The following NBEAL1 variants were observed in gnomAD, a reference collection of about 807,000 sequenced individuals.
The protein encoded by NBEAL1 is neurobeachin-like protein 1.
A neutral mutation model predicts 351.3 loss-of-function variants in NBEAL1; 273 were observed. The ratio of observed to expected loss-of-function variants is 0.78; its 90% CI spans 0.70 to 0.86. NBEAL1 has a LOEUF of 0.86. NBEAL1 is among the 40% of genes least tolerant of loss of function. The probability of loss-of-function intolerance (pLI) is 0.00; values close to 1 mark genes in which losing one functional copy is unlikely to be tolerated. For synonymous variants in NBEAL1, 1,050 were observed against 1,086.4 expected (o/e 0.97, Z 0.66); for missense variants, 2,961 against 3,201.3 (o/e 0.92, Z 1.81).
chr2:203,204,558 G>T (rs561933807), intron 51 of NBEAL1, among the ~76,000 whole-genome samples: 1 of 151,630 alleles, frequency 6.6e-6, no homozygotes, highest in African/African-American at 2.4e-5. Flanking sequence ...GGCTGGTCTC[G>T]AACTCCTAGG....
rs1028611689 is a variant in NBEAL1, at chr2:203,068,533, T to G, written c.598+58T>G. The stretch of plus-strand genomic sequence containing the variant: ...TTATCATCTTACTCTGATTACTTTT[T>G]ATTCTTACTCTGATTCTGATCTTGA... On this transcript the variant is annotated intron_variant, in intron 7 of 55. Transcript: ENST00000683969. The G allele has an allele frequency of 5.2e-6, 5 of 962,092 alleles. No individual in the cohort carries two copies. In the African/African-American group the frequency reaches 8.2e-5, roughly 16 times the overall value. 59.6% of individuals were successfully genotyped at this position (962,092 alleles called of 1,614,324 possible). A position where few individuals can be genotyped will look rare whatever the true frequency, so the allele number is the denominator to read the frequency against.
intron 48 of NBEAL1, 37 bp downstream of exon 48, chr2:203,197,428 T>A: frequency 8.0e-7 from 1 of 1,250,682 alleles, no homozygotes; most frequent in Non-Finnish European, 1.2e-6. Context: ...CTGCTATGCC[T>A]ATATTCATTA....
rs1020271230 is a variant in NBEAL1 at position 203,162,657 on chromosome 2, A to G, written c.5715-3492A>G. ...TACTTGGGAGGCTGAAGTGGGAGGA[A>G]TGTTTGAGCCTGGAAGGTGGAGGTT... On this transcript the variant is annotated intron_variant, in intron 36 of 55. Transcript: ENST00000683969. Among the ~76,000 whole-genome samples the G allele has an allele frequency of 2.0e-5, 3 of 152,068 alleles. No homozygotes were observed. In the East Asian group the frequency reaches 5.8e-4, roughly 29 times the overall value.
chr2:203,051,398 G>A (rs1012980012), intron 4 of NBEAL1, among the ~76,000 whole-genome samples: 7 of 151,960 alleles, frequency 4.6e-5, no homozygotes, highest in African/African-American at 1.7e-4. Context: ...GTAAAAATTA[G>A]CCAGGCATGG....
intron 38 of NBEAL1, among the ~76,000 whole-genome samples, chr2:203,168,367 C>A (rs1198133763): frequency 6.6e-6 from 1 of 152,164 alleles, no homozygotes; most frequent in Admixed American, 6.5e-5. Flanking sequence ...GGGTGGATCA[C>A]CTGAAGTCAG....
At position 203,041,770 on chromosome 2, in the gene NBEAL1, T is replaced by A. The variant is rs1365576985; in HGVS notation, c.57T>A (p.Asp19Glu). 6.4e-7 allele frequency: 1 copy of A among 1,551,352 alleles called. No individual in the cohort carries two copies. The highest frequency in any genetic ancestry group is 8.7e-7 in the Non-Finnish European group (1 of 1,146,042). Residue 19 changes from aspartate (D) to glutamate (E), a missense_variant, in exon 3 of 56, where the codon GAT becomes GAA. Asp to Glu is a conservative substitution (Grantham distance 45, BLOSUM62 2). Coordinates refer to ENST00000683969, the MANE Select transcript of NBEAL1 (RefSeq NM_001378026.1). ...ELWMLYCTKKDPDYLKLWLDT... is the reference protein window; with the variant it reads ...ELWMLYCTKKEPDYLKLWLDT... ...TAATGGTTTTGTTATTTCAGAAAGA[T>A]CCAGATTACCTGAAGCTGTGGTTGG...
At chr2:203,063,852 G>A (rs1291188101) in intron 6 of NBEAL1, among the ~76,000 whole-genome samples, 2 of 152,130 alleles carry the variant, frequency 1.3e-5, no homozygotes, top group Admixed American at 1.3e-4. Flanking sequence ...ACCAGTGATA[G>A]ATAGATAAGG....
chr2:203,209,747 A>AT (rs2065726016), intron 53 of NBEAL1, among the ~76,000 whole-genome samples: 1 of 41,038 alleles, frequency 2.4e-5, no homozygotes, highest in African/African-American at 7.0e-5. Context: ...GTGTGTGTGT[A>AT]TTTTTTTCTG....
chr2:203,140,265 T>G (rs1032518501), intron 31 of NBEAL1, among the ~76,000 whole-genome samples: 1 of 150,076 alleles, frequency 6.7e-6, no homozygotes, highest in African/African-American at 2.5e-5. Context: ...ATCACGCCAT[T>G]GCACTCCAGC....
At chr2:203,119,923 A>G (rs762961449) in intron 18 of NBEAL1, among the ~76,000 whole-genome samples, 1 of 152,186 alleles carries the variant, frequency 6.6e-6, no homozygotes, top group Non-Finnish European at 1.5e-5. Flanking sequence ...AAAATAGTCA[A>G]CAGTTTTTTT....
chr2:203,105,306 A>T (rs1164387364), intron 12 of NBEAL1, among the ~76,000 whole-genome samples: 1 of 151,974 alleles, frequency 6.6e-6, no homozygotes, highest in East Asian at 1.9e-4. Flanking sequence ...ACTAAAAAAA[A>T]AATACAAAAA....
chr2:203,121,997 G>A (rs1374359566), intron 18 of NBEAL1, among the ~76,000 whole-genome samples: 1 of 152,084 alleles, frequency 6.6e-6, no homozygotes, highest in African/African-American at 2.4e-5. Flanking sequence ...TGTTGGCCAG[G>A]CTGGTTTCGA....
Position 203,211,065 on chromosome 2 carries a change from A to T in NBEAL1, c.7893A>T (p.Thr2631=). The T allele has an allele frequency of 6.2e-7, 1 of 1,606,814 alleles. No homozygotes were observed. Among genetic ancestry groups the T allele is most frequent in the African/African-American group, 1.3e-5 (1 of 74,886 alleles). The change falls in exon 54 of 56, where the codon ACA becomes ACT. Residue 2631 remains threonine, a synonymous_variant. Coordinates refer to ENST00000683969, the MANE Select transcript of NBEAL1 (RefSeq NM_001378026.1). Reference sequence around the variant, plus strand: ...GTATAATCGGAGAACACATTGTCACAGGCAGCATACAAGGATTCCTGTCTA... The same window carrying T: ...GTATAATCGGAGAACACATTGTCACTGGCAGCATACAAGGATTCCTGTCTA... ...DICIIGEHIV[T]GSIQGFLSIR...
At chr2:203,212,664 A>G (rs2065819665) in intron 54 of NBEAL1, among the ~76,000 whole-genome samples, 1 of 152,116 alleles carries the variant, frequency 6.6e-6, no homozygotes, top group Non-Finnish European at 1.5e-5. Context: ...ACTGTTGTGA[A>G]CAGTTTAAGA....
intron 10 of NBEAL1, among the ~76,000 whole-genome samples, chr2:203,097,289 G>A (rs1404650120): frequency 6.6e-6 from 1 of 152,072 alleles, no homozygotes; most frequent in African/African-American, 2.4e-5. Context: ...TAAGAATTTA[G>A]GAATATTAAC....
rs959168968 is a variant in NBEAL1, at chr2:203,056,463, G to T, written c.342G>T (p.Ser114=). ...ATGTGGAAGAAATTGGGACTTGCTCGTACATTAATTATGTCATCACCATGA... is the reference window on the plus strand; with the variant it reads ...ATGTGGAAGAAATTGGGACTTGCTCTTACATTAATTATGTCATCACCATGA... The part of the protein sequence containing the change: ...LSNVEEIGTC[S]YINYVITMTT... Residue 114 remains serine, a synonymous_variant, in exon 5 of 56, where the codon TCG becomes TCT. Coordinates refer to ENST00000683969, the MANE Select transcript of NBEAL1 (RefSeq NM_001378026.1). 1 of 1,550,722 alleles carries T rather than the reference G, an allele frequency of 6.4e-7. No individual in the cohort carries two copies. Among genetic ancestry groups the T allele is most frequent in the Non-Finnish European group, 8.7e-7 (1 of 1,144,416 alleles).
intron 42 of NBEAL1, among the ~76,000 whole-genome samples, chr2:203,177,351 A>G (rs2064540728): frequency 6.7e-6 from 1 of 149,900 alleles, no homozygotes; most frequent in African/African-American, 2.5e-5. Flanking sequence ...CCTGGGCAAC[A>G]TAGTGAGACG....
At chr2:203,097,060 C>T (rs992136299) in intron 10 of NBEAL1, among the ~76,000 whole-genome samples, 1 of 152,188 alleles carries the variant, frequency 6.6e-6, no homozygotes, top group African/African-American at 2.4e-5. Flanking sequence ...GTGAATGACA[C>T]GTCTCACATG....
chr2:203,135,786 G>T lies in NBEAL1; in HGVS notation c.3923G>T (p.Gly1308Val), dbSNP rs1220127123. 1 of 1,611,398 alleles carries T rather than the reference G, an allele frequency of 6.2e-7. No individual in the cohort carries two copies. Among genetic ancestry groups the T allele is most frequent in the Non-Finnish European group, 8.5e-7 (1 of 1,178,616 alleles). ...RLFLKAKFEN[G>V]NTLHKHSRAV... is the part of the protein sequence containing the mutation. ...TTTTTAAAAGCAAAATTTGAAAACG[G>T]AAATACTCTTCATAAGCACAGTAGA... The change falls in exon 28 of 56, where the codon GGA becomes GTA. Residue 1308 changes from glycine (G) to valine (V), a missense_variant. Gly to Val is a moderately radical substitution (Grantham distance 109). Coordinates refer to ENST00000683969, the MANE Select transcript of NBEAL1 (RefSeq NM_001378026.1).
Sources: gnomAD v4.1 joint callset for allele counts (sites outside exome capture counted in the v4.1 genomes callset) on GRCh38, gnomAD v4.1.1 for gene constraint, MANE v1.5 for transcripts, NCBI Gene and HGNC (gene_info 2026-07-23, HGNC 2026-07-21) for gene names.